Variants in VXN observed in about 807,000 individuals in gnomAD.
VXN encodes the protein vexin, also known as uncharacterized protein C8orf46.
Under a neutral mutation model 23.1 loss-of-function variants are expected in VXN, and 7 were observed. The observed-to-expected ratio is 0.30, with a 90% CI of 0.17 to 0.57. The LOEUF (loss-of-function observed/expected upper bound fraction) is 0.57. VXN is among the 20% of genes least tolerant of loss of function. VXN has a pLI of 0.91. For synonymous variants in VXN, 120 were observed against 105.8 expected (o/e 1.13, Z -0.83); for missense variants, 238 against 272.6 (o/e 0.87, Z 0.89).
At chr8:66,501,454 C>T (rs997325051) in intron 2 of VXN, 1 of 152,118 alleles carries the variant, frequency 6.6e-6, no homozygotes, top group Admixed American at 6.6e-5. Context: ...GGAAAATGCT[C>T]CCAACTTTCA....
At chr8:66,513,891 G>A (rs184534383) in intron 5 of VXN, 2 of 437,284 alleles carry the variant, frequency 4.6e-6, no homozygotes, top group African/African-American at 2.1e-5. Flanking sequence ...TAGGCTTGGA[G>A]AAGTCATTTG....
intron 4 of VXN, among the ~76,000 whole-genome samples, chr8:66,511,714 G>A (rs1201548866): frequency 6.6e-6 from 1 of 152,162 alleles, no homozygotes; most frequent in Non-Finnish European, 1.5e-5. Context: ...GAGTCCAGAG[G>A]AAGCTGGGAG....
chr8:66,514,850 G>A lies in VXN; in HGVS notation c.441-1043G>A, dbSNP rs146379218. Reference sequence around the variant, plus strand: ...GGGAACATGTTGGATGCAAGCAGGCGGGGCTCCAGACTACACTGTCAGCCT... The same window carrying A: ...GGGAACATGTTGGATGCAAGCAGGCAGGGCTCCAGACTACACTGTCAGCCT... On this transcript the variant is annotated intron_variant, in intron 5 of 5. Coordinates refer to ENST00000305454, the MANE Select transcript of VXN (RefSeq NM_152765.4). Among the ~76,000 whole-genome samples, 474 of 152,234 alleles carry A rather than the reference G, an allele frequency of 3.1e-3. 6 individuals carry two copies. The highest frequency in any genetic ancestry group is 5.3e-3 in the Non-Finnish European group (359 of 68,018).
intron 2 of VXN, 114 bp from the exon 3 acceptor site, chr8:66,505,261 G>A: frequency 1.5e-6 from 2 of 1,369,282 alleles, no homozygotes; most frequent in Non-Finnish European, 2.0e-6. Flanking sequence ...AATCACGAAG[G>A]ATCCAGAAAC....
chr8:66,516,110 A>G lies in VXN; in HGVS notation c.*34A>G, dbSNP rs773258721. On this transcript the variant is annotated 3_prime_UTR_variant, in exon 6 of 6. Transcript: ENST00000305454. Reference sequence around the variant, plus strand: ...CTCTTCAAGTGCCCTGTGTTGGCCAAGGTTCCCCGGACAAGAGGAAAAACC... The same window carrying G: ...CTCTTCAAGTGCCCTGTGTTGGCCAGGGTTCCCCGGACAAGAGGAAAAACC... 7.7e-6 allele frequency: 12 copies of G among 1,549,768 alleles called. No homozygotes were observed. Among genetic ancestry groups the G allele is most frequent in the Admixed American group, 5.9e-5 (3 of 50,706 alleles).
intron 3 of VXN, among the ~76,000 whole-genome samples, chr8:66,506,989 T>C (rs1472409251): frequency 1.3e-5 from 2 of 152,204 alleles, no homozygotes; most frequent in Non-Finnish European, 2.9e-5. Context: ...TATAAAATCA[T>C]AAAGTGAATT....
At chr8:66,514,961 G>A (rs1313431972) in intron 5 of VXN, among the ~76,000 whole-genome samples, 1 of 152,210 alleles carries the variant, frequency 6.6e-6, no homozygotes, top group African/African-American at 2.4e-5. Context: ...AGATTGGCTA[G>A]AAAGAATTAT....
chr8:66,512,549 G>A (rs926931562), intron 4 of VXN, among the ~76,000 whole-genome samples: 9 of 152,190 alleles, frequency 5.9e-5, no homozygotes, highest in Admixed American at 5.2e-4. Context: ...ACTTAGCCCT[G>A]TTTAGGCCAT....
In VXN at chr8:66,517,757, A is replaced by G. The variant is rs1254812369; in HGVS notation, c.*1681A>G. 6.6e-6 allele frequency: 1 copy of G among 152,252 alleles called. No individual in the cohort carries two copies. The highest frequency in any genetic ancestry group is 2.4e-5 in the African/African-American group (1 of 41,470). The allele number at this position is 152,252 out of a possible 1,614,324, so 9.4% of individuals were successfully genotyped here. On this transcript the variant is annotated 3_prime_UTR_variant, in exon 6 of 6. Coordinates refer to ENST00000305454, the MANE Select transcript of VXN (RefSeq NM_152765.4). Reference sequence around the variant, plus strand: ...TTAATAAAACCAGAGATCCTATGGGAAATTTAGCCTAAGACAGTGCTGGAA... The same window carrying G: ...TTAATAAAACCAGAGATCCTATGGGGAATTTAGCCTAAGACAGTGCTGGAA...
chr8:66,499,458 C>G lies in VXN; in HGVS notation c.126+2966C>G, dbSNP rs746924106. Among the ~76,000 whole-genome samples the G allele has an allele frequency of 3.9e-4, 59 of 152,028 alleles. 1 individual carries two copies. The highest frequency in any genetic ancestry group is 5.1e-4 in the Non-Finnish European group (35 of 67,996). On this transcript the variant is annotated intron_variant, in intron 2 of 5. Transcript: ENST00000305454. ...ATGTCACCCAGGCTAGTCTCAAACT[C>G]TTGGACTCAAGTGATCCACCTGCCT... is the stretch of plus-strand genomic sequence containing the variant.
chr8:66,505,490 C>T lies in VXN; in HGVS notation c.242C>T (p.Pro81Leu), dbSNP rs1402269361. ...RRFGRLQTAR[P>L]PTAHPAKASA... ...TTTGGGCGGCTCCAGACCGCGCGGC[C>T]GCCCACAGCCCACCCGGCCAAAGCC... The change falls in exon 3 of 6, where the codon CCG becomes CTG. Residue 81 changes from proline (P) to leucine (L), a missense_variant. Coordinates refer to ENST00000305454, the MANE Select transcript of VXN (RefSeq NM_152765.4). The T allele has an allele frequency of 3.2e-6, 5 of 1,559,026 alleles. No homozygotes were observed. In the East Asian group the frequency reaches 6.9e-5, roughly 22 times the overall value.
At chr8:66,506,944 G>A (rs1807767009) in intron 3 of VXN, among the ~76,000 whole-genome samples, 1 of 152,100 alleles carries the variant, frequency 6.6e-6, no homozygotes. Flanking sequence ...GCATGTGTGT[G>A]TGGAAAGAAG....
chr8:66,515,052 T>G (rs1807871110), intron 5 of VXN, among the ~76,000 whole-genome samples: 1 of 152,256 alleles, frequency 6.6e-6, no homozygotes, highest in Admixed American at 6.5e-5. Flanking sequence ...GATTCTGTTA[T>G]ATCCAATAAA....
chr8:66,494,168 AG>A (rs975971667), intron 1 of VXN, among the ~76,000 whole-genome samples: 1 of 152,178 alleles, frequency 6.6e-6, no homozygotes, highest in Non-Finnish European at 1.5e-5. Context: ...GGCTGCTTGA[AG>A]TCCAGTGAAG....
At chr8:66,506,763 C>T (rs994143187) in intron 3 of VXN, among the ~76,000 whole-genome samples, 3 of 152,092 alleles carry the variant, frequency 2.0e-5, no homozygotes, top group African/African-American at 7.2e-5. Flanking sequence ...CTCCTCTGAT[C>T]CTTTGCATAA....
Position 66,517,644 on chromosome 8 carries a change from C to T in VXN, c.*1568C>T, listed in dbSNP as rs1296724584. ...CTTGCCCATGGAGGGATTAGTGACA[C>T]ATGCCTTGTATATTTGTCATCTGTG... is the stretch of plus-strand genomic sequence containing the variant. On this transcript the variant is annotated 3_prime_UTR_variant, in exon 6 of 6. Transcript: ENST00000305454. 6.6e-6 allele frequency: 1 copy of T among 152,248 alleles called. No homozygotes were observed. Among genetic ancestry groups the T allele is most frequent in the Non-Finnish European group, 1.5e-5 (1 of 68,048 alleles). 9.4% of individuals were successfully genotyped at this position (152,248 alleles called of 1,614,324 possible).
intron 3 of VXN, among the ~76,000 whole-genome samples, chr8:66,508,136 G>A (rs1454990762): frequency 1.3e-5 from 2 of 152,140 alleles, no homozygotes; most frequent in African/African-American, 4.8e-5. Context: ...CTCAGTGGGG[G>A]CCATTATCCA....
chr8:66,503,190 T>G lies in VXN; in HGVS notation c.127-2185T>G, dbSNP rs556361028. ...ATTCAGGTTTACCAAGAGCACCCAC[T>G]TAGGAGGCACGAAACCATGGTTCTC... On this transcript the variant is annotated intron_variant, in intron 2 of 5. Transcript: ENST00000305454. Among the ~76,000 whole-genome samples, 38 of 152,248 alleles carry G rather than the reference T, an allele frequency of 2.5e-4. 1 individual carries two copies. The highest frequency in any genetic ancestry group is 8.9e-4 in the African/African-American group (37 of 41,540).
intron 2 of VXN, among the ~76,000 whole-genome samples, chr8:66,499,339 C>A (rs1363443122): frequency 6.8e-6 from 1 of 147,224 alleles, no homozygotes; most frequent in East Asian, 2.1e-4. Flanking sequence ...CTCAAGTGAT[C>A]CTCCCTTCTT....
Sources: gnomAD v4.1 joint callset for allele counts (sites outside exome capture counted in the v4.1 genomes callset) on GRCh38, gnomAD v4.1.1 for gene constraint, MANE v1.5 for transcripts, NCBI Gene and HGNC (gene_info 2026-07-23, HGNC 2026-07-21) for gene names.